Variants in AP1S3 observed in about 807,000 individuals in gnomAD.
AP1S3 encodes adaptor related protein complex 1 subunit sigma 3.
A neutral mutation model predicts 20.9 loss-of-function variants in AP1S3; 10 were observed. The observed-to-expected ratio is 0.48, with a 90% CI of 0.29 to 0.81. AP1S3 has a LOEUF of 0.81. Among genes scored for constraint, AP1S3 ranks in the 30% least tolerant of loss-of-function variants. The probability of loss-of-function intolerance (pLI) is 0.08; values close to 1 mark genes in which losing one functional copy is unlikely to be tolerated. For missense variants in AP1S3, 154 were observed against 183.8 expected, an observed-to-expected ratio of 0.84 and a Z score of 0.94; for synonymous variants, 41 against 61.5, an observed-to-expected ratio of 0.67 and a Z score of 1.56.
At chr2:223,769,902 G>A (rs957372520) in intron 3 of AP1S3, among the ~76,000 whole-genome samples, 9 of 151,614 alleles carry the variant, frequency 5.9e-5, no homozygotes, top group Non-Finnish European at 8.8e-5. Context: ...CCGCTACCTC[G>A]CCCGGCTAAT....
chr2:223,801,262 A>C (rs1353349349), intron 1 of AP1S3, among the ~76,000 whole-genome samples: 1 of 152,206 alleles, frequency 6.6e-6, no homozygotes, highest in Non-Finnish European at 1.5e-5. Context: ...AAAAAAGTTA[A>C]GTACCTTGTT....
intron 3 of AP1S3, among the ~76,000 whole-genome samples, chr2:223,770,530 A>ACACACACACACC (rs529875245): frequency 6.7e-6 from 1 of 148,938 alleles, no homozygotes; most frequent in African/African-American, 2.6e-5. Flanking sequence ...ACACACACAC[A>ACACACACACACC]CCCCTTGATA....
At chr2:223,764,971 A>T in intron 4 of AP1S3, 1 of 487,394 alleles carries the variant, frequency 2.1e-6, no homozygotes, top group Non-Finnish European at 3.5e-6. Flanking sequence ...TTCCTGTGTG[A>T]AATTGAGCAG....
intron 1 of AP1S3, among the ~76,000 whole-genome samples, chr2:223,786,862 G>A (rs1691089973): frequency 6.6e-6 from 1 of 152,036 alleles, no homozygotes; most frequent in Non-Finnish European, 1.5e-5. Context: ...CTGAGATCAT[G>A]CCACTGCCCT....
chr2:223,789,213 C>T (rs79499818), intron 1 of AP1S3, among the ~76,000 whole-genome samples: 2,437 of 150,904 alleles, frequency 0.016, 71 homozygotes, highest in African/African-American at 0.056. Flanking sequence ...CATACACACA[C>T]ACAGAGTATA....
At position 223,755,962 on chromosome 2, in the gene AP1S3, C is replaced by T. The variant is rs1690202773; in HGVS notation, c.*2753G>A. 1.0e-6 allele frequency: 1 copy of T among 985,354 alleles called. No individual in the cohort carries two copies. Among genetic ancestry groups the T allele is most frequent in the Non-Finnish European group, 1.2e-6 (1 of 829,922 alleles). The allele number at this position is 985,354 out of a possible 1,614,324, so 61.0% of individuals were successfully genotyped here. On this transcript the variant is annotated 3_prime_UTR_variant, in exon 5 of 5. Coordinates refer to ENST00000396654, the MANE Select transcript of AP1S3 (RefSeq NM_001039569.2). ...ATGAGGTTCAAGAGATACCTTTATC[C>T]AAATATGGTGACAAATTTCAAAAGA... is the stretch of plus-strand genomic sequence containing the variant.
chr2:223,757,739 A>C lies in AP1S3; in HGVS notation c.*976T>G. 15 of 985,456 alleles carry C rather than the reference A, an allele frequency of 1.5e-5. No homozygotes were observed. Among genetic ancestry groups the C allele is most frequent in the Non-Finnish European group, 1.8e-5 (15 of 829,932 alleles). The allele number at this position is 985,456 out of a possible 1,614,324, so 61.0% of individuals were successfully genotyped here. On this transcript the variant is annotated 3_prime_UTR_variant, in exon 5 of 5. Transcript: ENST00000396654. ...GGAGGAAAGGGTAAGAAAAGAAAAA[A>C]GAAGGAAAGGAATCTACCATATAGG... is the stretch of plus-strand genomic sequence containing the variant.
intron 1 of AP1S3, among the ~76,000 whole-genome samples, chr2:223,830,918 G>T (rs1692242814): frequency 6.6e-6 from 1 of 152,208 alleles, no homozygotes. Flanking sequence ...GTTTCCTCAT[G>T]ATTGTCGATA....
intron 1 of AP1S3, among the ~76,000 whole-genome samples, chr2:223,810,553 C>T (rs768923156): frequency 7.2e-5 from 11 of 152,206 alleles, no homozygotes; most frequent in Admixed American, 2.0e-4. Context: ...AAGCAATCCA[C>T]CCACCTTGTC....
At chr2:223,770,339 C>A (rs377550949) in intron 3 of AP1S3, 2 of 1,549,834 alleles carry the variant, frequency 1.3e-6, no homozygotes, top group South Asian at 2.4e-5. Context: ...CAAAGTGAAC[C>A]TGACAGATAC....
At chr2:223,760,173 CCAAGTTGAAT>C (rs1366008723) in intron 4 of AP1S3, among the ~76,000 whole-genome samples, 1 of 152,092 alleles carries the variant, frequency 6.6e-6, no homozygotes, top group Non-Finnish European at 1.5e-5. Flanking sequence ...CACCAGGGCC[CCAAGTTGAAT>C]CAATAAGAAA....
chr2:223,766,871 G>A (rs575933076), intron 3 of AP1S3, among the ~76,000 whole-genome samples: 1 of 152,138 alleles, frequency 6.6e-6, no homozygotes, highest in South Asian at 2.1e-4. Context: ...ATACTATGCA[G>A]CCATAAAAAA....
At chr2:223,778,108 TTTG>T (rs1690833134) in intron 1 of AP1S3, among the ~76,000 whole-genome samples, 1 of 150,840 alleles carries the variant, frequency 6.6e-6, no homozygotes, top group Admixed American at 6.6e-5. Context: ...TAAGTTTTTT[TTTG>T]TTTTTTTTGT....
intron 1 of AP1S3, among the ~76,000 whole-genome samples, chr2:223,835,668 T>A (rs775430895): frequency 4.6e-5 from 7 of 151,918 alleles, no homozygotes; most frequent in South Asian, 4.2e-4. Context: ...GAAAAAAAAA[T>A]AATAATAATG....
At chr2:223,800,416 T>C (rs1370490306) in intron 1 of AP1S3, among the ~76,000 whole-genome samples, 1 of 151,760 alleles carries the variant, frequency 6.6e-6, no homozygotes, top group Non-Finnish European at 1.5e-5. Context: ...CTTGTAGTAC[T>C]ACATACTCAG....
chr2:223,782,377 T>C (rs920508348), intron 1 of AP1S3, among the ~76,000 whole-genome samples: 23 of 152,164 alleles, frequency 1.5e-4, no homozygotes, highest in African/African-American at 5.6e-4. Context: ...TGTCTTCTGT[T>C]TATTGGTTCT....
chr2:223,835,378 C>T (rs1473900447), intron 1 of AP1S3, among the ~76,000 whole-genome samples: 1 of 152,214 alleles, frequency 6.6e-6, no homozygotes, highest in African/African-American at 2.4e-5. Context: ...GTTTCCCCGC[C>T]AGGTGCGGTG....
rs537356778 is a variant in AP1S3, at chr2:223,762,755, C to T, written c.429+2458G>A. Among the ~76,000 whole-genome samples, 4 of 152,144 alleles carry T rather than the reference C, an allele frequency of 2.6e-5. No individual in the cohort carries two copies. The East Asian group carries it at 5.8e-4, about 22-fold the overall frequency. On this transcript the variant is annotated intron_variant, in intron 4 of 4. Transcript: ENST00000396654. The stretch of plus-strand genomic sequence containing the variant: ...TGAGGCTATGTCTTCTTACTAAATC[C>T]GCAGGCAGGTGTAGCTTTTTAAAAG...
intron 1 of AP1S3, among the ~76,000 whole-genome samples, chr2:223,780,302 TATATATAGAGAGAG>T (rs1488316843): frequency 3.2e-4 from 16 of 49,536 alleles, no homozygotes; most frequent in East Asian, 1.9e-3. Flanking sequence ...TATATATATA[TATATATAGAGAGAG>T]AGAGAGAGAG....
Sources: allele counts gnomAD v4.1 joint callset (sites outside exome capture counted in the v4.1 genomes callset), GRCh38; gene constraint gnomAD v4.1.1; transcripts MANE v1.5; gene names NCBI Gene and HGNC (gene_info 2026-07-23, HGNC 2026-07-21).